Variants in NUDCD1 observed in about 807,000 individuals in gnomAD.
NUDCD1 encodes nudC domain-containing protein 1.
Under a neutral mutation model 67.8 loss-of-function variants are expected in NUDCD1, and 60 were observed. That is an observed-to-expected ratio of 0.88 (90% confidence interval 0.72 to 1.10). NUDCD1 has a LOEUF of 1.10. Ranked by LOEUF, NUDCD1 falls within the 50% of genes least tolerant of loss-of-function variation. The probability of loss-of-function intolerance (pLI) is 0.00; values close to 1 mark genes in which losing one functional copy is unlikely to be tolerated. For missense variants in NUDCD1, 643 were observed against 695.0 expected (o/e 0.93, Z 0.84); for synonymous variants, 244 against 230.8 (o/e 1.06, Z -0.52).
chr8:109,292,305 T>A (rs1418759450), intron 4 of NUDCD1, among the ~76,000 whole-genome samples: 1 of 152,094 alleles, frequency 6.6e-6, no homozygotes, highest in Non-Finnish European at 1.5e-5. Context: ...TTAAAGTTAC[T>A]GTGTTCCTCC....
chr8:109,321,675 C>T (rs1330623554), intron 2 of NUDCD1, among the ~76,000 whole-genome samples: 2 of 151,866 alleles, frequency 1.3e-5, no homozygotes, highest in South Asian at 2.1e-4. Flanking sequence ...AATGTAAGCC[C>T]TCCAATTAAG....
At chr8:109,264,221 A>T (rs746364830) in intron 8 of NUDCD1, among the ~76,000 whole-genome samples, 3 of 152,190 alleles carry the variant, frequency 2.0e-5, no homozygotes, top group Non-Finnish European at 4.4e-5. Flanking sequence ...GGTTATTCTG[A>T]ATTGAGATTT....
intron 2 of NUDCD1, among the ~76,000 whole-genome samples, chr8:109,319,626 G>A (rs1815484510): frequency 2.0e-5 from 3 of 152,166 alleles, no homozygotes; most frequent in African/African-American, 7.2e-5. Flanking sequence ...GTTAATCAAT[G>A]AGAAAAGGAC....
Position 109,248,223 on chromosome 8 carries a change from C to T in NUDCD1, c.1300-2742G>A, listed in dbSNP as rs536744277. 6.7e-4 allele frequency among the ~76,000 whole-genome samples: 102 copies of T among 152,304 alleles called. 1 individual carries two copies. The highest frequency in any genetic ancestry group is 3.4e-3 in the Middle Eastern group (1 of 294). On this transcript the variant is annotated intron_variant, in intron 8 of 9. Coordinates refer to ENST00000239690, the MANE Select transcript of NUDCD1 (RefSeq NM_032869.4). ...AAATGGCAAGGAAATGGATTCTCCC[C>T]TAGAGCCTCCAGAATGAATGTAGTC...
At position 109,263,030 on chromosome 8, in the gene NUDCD1, G is replaced by A. The variant is rs868728585; in HGVS notation, c.1299+7975C>T. Among the ~76,000 whole-genome samples, 39 of 129,478 alleles carry A rather than the reference G, an allele frequency of 3.0e-4. No homozygotes were observed. The East Asian group carries it at 3.4e-3, about 11-fold the overall frequency. 84.9% of individuals were successfully genotyped at this position (129,478 alleles called of 152,430 possible). A position where few individuals can be genotyped will look rare whatever the true frequency, so the allele number is the denominator to read the frequency against. ...AGATCGTGCCAATGCAGTCCAGCTC[G>A]GGGGACAGAGTGAGACTCTGTCTCA... On this transcript the variant is annotated intron_variant, in intron 8 of 9. Transcript: ENST00000239690.
At chr8:109,296,658 C>T in intron 2 of NUDCD1, 89 bp from the exon 3 acceptor site, 2 of 913,908 alleles carry the variant, frequency 2.2e-6, no homozygotes, top group South Asian at 3.7e-5. Flanking sequence ...TGGTTTCTCT[C>T]CTTTTTAAGA....
At chr8:109,289,966 CAAATAA>C (rs1814671800) in intron 4 of NUDCD1, 33 bp from the exon 5 acceptor site, 20 of 951,598 alleles carry the variant, frequency 2.1e-5, no homozygotes, top group Non-Finnish European at 2.8e-5. Flanking sequence ...CAAAACATTA[CAAATAA>C]AAACTATTAT....
At chr8:109,257,945 T>C (rs1426699817) in intron 8 of NUDCD1, among the ~76,000 whole-genome samples, 2 of 152,152 alleles carry the variant, frequency 1.3e-5, no homozygotes, top group East Asian at 3.8e-4. Context: ...TACAAATTCA[T>C]TCCCCTCTCT....
chr8:109,261,882 G>C (rs937742186), intron 8 of NUDCD1, among the ~76,000 whole-genome samples: 2 of 151,986 alleles, frequency 1.3e-5, no homozygotes, highest in African/African-American at 4.8e-5. Context: ...GCCTCACTAT[G>C]TACTAGTAAG....
At chr8:109,262,932 G>A (rs1813899776) in intron 8 of NUDCD1, among the ~76,000 whole-genome samples, 1 of 151,330 alleles carries the variant, frequency 6.6e-6, no homozygotes. Context: ...GCGGGCACCT[G>A]TAATCCCAGC....
chr8:109,321,144 G>A lies in NUDCD1; in HGVS notation c.273+1165C>T, dbSNP rs141227271. On this transcript the variant is annotated intron_variant, in intron 2 of 9. Coordinates refer to ENST00000239690, the MANE Select transcript of NUDCD1 (RefSeq NM_032869.4). ...TTTAGCAAGTGATAATATTAAACAC[G>A]CAAATCAGACAGACTACTCTGTAGA... Among the ~76,000 whole-genome samples the A allele has an allele frequency of 7.9e-4, 121 of 152,260 alleles. No homozygotes were observed. The East Asian group carries it at 0.019, about 24-fold the overall frequency.
At chr8:109,265,387 T>C (rs1813970805) in intron 8 of NUDCD1, among the ~76,000 whole-genome samples, 1 of 152,180 alleles carries the variant, frequency 6.6e-6, no homozygotes, top group South Asian at 2.1e-4. Flanking sequence ...AGATACCTTT[T>C]AAATGTTTTT....
At chr8:109,245,221 C>A in intron 9 of NUDCD1, 101 bp downstream of exon 9, 2 of 1,120,748 alleles carry the variant, frequency 1.8e-6, no homozygotes, top group Non-Finnish European at 2.5e-6. Context: ...TAAATGTAAT[C>A]AGGACAGCTC....
At chr8:109,306,326 C>T (rs1355754159) in intron 2 of NUDCD1, among the ~76,000 whole-genome samples, 1 of 152,066 alleles carries the variant, frequency 6.6e-6, no homozygotes, top group African/African-American at 2.4e-5. Flanking sequence ...TATTCTTGTT[C>T]CTGTTCTTAT....
chr8:109,288,303 T>C (rs1382888386), intron 5 of NUDCD1, among the ~76,000 whole-genome samples: 3 of 152,218 alleles, frequency 2.0e-5, no homozygotes, highest in African/African-American at 2.4e-5. Context: ...CCAAGTTATC[T>C]GGGCAGAACG....
At chr8:109,259,543 AG>A (rs556326670) in intron 8 of NUDCD1, among the ~76,000 whole-genome samples, 10 of 152,296 alleles carry the variant, frequency 6.6e-5, no homozygotes, top group African/African-American at 2.2e-4. Context: ...ACAAGGTTAG[AG>A]GTGTGTCTAT....
chr8:109,332,375 T>G (rs928874822), intron 1 of NUDCD1, among the ~76,000 whole-genome samples: 3 of 152,018 alleles, frequency 2.0e-5, no homozygotes, highest in Non-Finnish European at 4.4e-5. Flanking sequence ...CTAAAAGAAA[T>G]AAACCCCAAA....
chr8:109,258,977 C>G (rs186282002), intron 8 of NUDCD1, among the ~76,000 whole-genome samples: 93 of 152,256 alleles, frequency 6.1e-4, no homozygotes, highest in Non-Finnish European at 1.1e-3. Flanking sequence ...TCCAATAAAA[C>G]CACACTCATA....
intron 2 of NUDCD1, among the ~76,000 whole-genome samples, chr8:109,321,521 T>A (rs1392792079): frequency 2.0e-5 from 3 of 151,176 alleles, no homozygotes; most frequent in Non-Finnish European, 2.9e-5. Flanking sequence ...ACATTTTTTT[T>A]AAAAAGAAAA....
Sources: allele counts gnomAD v4.1 joint callset (sites outside exome capture counted in the v4.1 genomes callset), GRCh38; gene constraint gnomAD v4.1.1; transcripts MANE v1.5; gene names NCBI Gene and HGNC (gene_info 2026-07-23, HGNC 2026-07-21).